LRRC4C: variants seen among roughly 807,000 people sequenced by gnomAD.
LRRC4C encodes the protein leucine rich repeat containing 4C, also known as leucine-rich repeat-containing protein 4C.
In LRRC4C, 5 loss-of-function variants were observed where a neutral mutation model predicts 33.6. The ratio of observed to expected loss-of-function variants is 0.15; its 90% CI spans 0.08 to 0.31. The LOEUF (loss-of-function observed/expected upper bound fraction) is 0.31. LRRC4C is among the 10% of genes least tolerant of loss of function. The pLI is 1.00. For synonymous variants in LRRC4C, 329 were observed against 302.0 expected (o/e 1.09, Z -0.93); for missense variants, 560 against 796.7 (o/e 0.70, Z 3.58).
chr11:41,139,727 G>T (rs1943420911), intron 1 of LRRC4C, among the ~76,000 whole-genome samples: 1 of 151,968 alleles, frequency 6.6e-6, no homozygotes, highest in African/African-American at 2.4e-5. Context: ...TAAAGCAGTT[G>T]GATCCCTTTC....
At chr11:41,415,678 G>T (rs1039418515) in intron 1 of LRRC4C, among the ~76,000 whole-genome samples, 1 of 152,010 alleles carries the variant, frequency 6.6e-6, no homozygotes, top group African/African-American at 2.4e-5. Flanking sequence ...TTTAGATGTT[G>T]GATTTTTATG....
At chr11:40,272,147 A>G (rs1248988591) in intron 4 of LRRC4C, among the ~76,000 whole-genome samples, 1 of 152,162 alleles carries the variant, frequency 6.6e-6, no homozygotes, top group Non-Finnish European at 1.5e-5. Flanking sequence ...TGCATAAGAA[A>G]ACGGAAACTG....
At chr11:40,588,824 G>A (rs981625312) in intron 3 of LRRC4C, among the ~76,000 whole-genome samples, 1 of 152,144 alleles carries the variant, frequency 6.6e-6, no homozygotes, top group African/African-American at 2.4e-5. Flanking sequence ...TAGTTTGATT[G>A]CACTGTGGTC....
intron 1 of LRRC4C, among the ~76,000 whole-genome samples, chr11:41,088,644 G>T (rs866078541): frequency 3.3e-5 from 5 of 152,146 alleles, no homozygotes; most frequent in Admixed American, 2.0e-4. Context: ...GAGGAGAAAA[G>T]CAAAAGTTTA....
intron 1 of LRRC4C, among the ~76,000 whole-genome samples, chr11:41,052,345 C>G (rs953500468): frequency 6.6e-6 from 1 of 152,006 alleles, no homozygotes; most frequent in African/African-American, 2.4e-5. Context: ...AAAAAATAAT[C>G]TTTCCTCAGT....
chr11:40,774,632 T>G (rs1196297199), intron 2 of LRRC4C, among the ~76,000 whole-genome samples: 1 of 152,144 alleles, frequency 6.6e-6, no homozygotes, highest in Non-Finnish European at 1.5e-5. Flanking sequence ...TGAAGAATCA[T>G]CAAAACCATA....
intron 1 of LRRC4C, among the ~76,000 whole-genome samples, chr11:41,143,482 C>T (rs1171552334): frequency 2.0e-5 from 3 of 152,028 alleles, no homozygotes; most frequent in Non-Finnish European, 4.4e-5. Flanking sequence ...TGAATGAATC[C>T]AACCAAAATT....
At chr11:40,689,436 T>C (rs1371119219) in intron 2 of LRRC4C, among the ~76,000 whole-genome samples, 1 of 152,106 alleles carries the variant, frequency 6.6e-6, no homozygotes, top group Non-Finnish European at 1.5e-5. Context: ...AGGGGATATG[T>C]GTGTAAATCA....
chr11:40,639,132 C>G (rs1173984248), intron 3 of LRRC4C, among the ~76,000 whole-genome samples: 1 of 150,984 alleles, frequency 6.6e-6, no homozygotes, highest in Non-Finnish European at 1.5e-5. Flanking sequence ...GATATCTTAC[C>G]CCCAAAAAGT....
At chr11:41,027,844 GT>G (rs1856478885) in intron 1 of LRRC4C, among the ~76,000 whole-genome samples, 1 of 151,640 alleles carries the variant, frequency 6.6e-6, no homozygotes, top group Non-Finnish European at 1.5e-5. Context: ...AGTTCTAATA[GT>G]TTTGAATTAT....
intron 1 of LRRC4C, among the ~76,000 whole-genome samples, chr11:41,294,503 T>C (rs142132402): frequency 6.6e-6 from 1 of 152,334 alleles, no homozygotes; most frequent in African/African-American, 2.4e-5. Context: ...AATCAAATGA[T>C]TTGTCCTAAA....
chr11:40,720,688 T>C (rs1437062951), intron 2 of LRRC4C, among the ~76,000 whole-genome samples: 1 of 152,182 alleles, frequency 6.6e-6, no homozygotes, highest in Non-Finnish European at 1.5e-5. Context: ...TTGTGTAACT[T>C]GATAGAGGTC....
At chr11:40,298,196 C>CA (rs1944605021) in intron 4 of LRRC4C, among the ~76,000 whole-genome samples, 1 of 152,012 alleles carries the variant, frequency 6.6e-6, no homozygotes, top group Non-Finnish European at 1.5e-5. Context: ...AAGATGCCAC[C>CA]AAATAAGATG....
At chr11:40,230,676 C>T (rs537191630) in intron 5 of LRRC4C, among the ~76,000 whole-genome samples, 8 of 152,152 alleles carry the variant, frequency 5.3e-5, no homozygotes, top group East Asian at 1.9e-4. Flanking sequence ...GCCAAAAATC[C>T]GATGGAAATA....
intron 1 of LRRC4C, among the ~76,000 whole-genome samples, chr11:41,286,721 G>C (rs1949840229): frequency 6.6e-6 from 1 of 150,544 alleles, no homozygotes; most frequent in Non-Finnish European, 1.5e-5. Flanking sequence ...TTTTAGAATT[G>C]ACATTTACTC....
intron 3 of LRRC4C, among the ~76,000 whole-genome samples, chr11:40,462,693 A>G (rs1952457938): frequency 6.6e-6 from 1 of 152,130 alleles, no homozygotes; most frequent in African/African-American, 2.4e-5. Flanking sequence ...CTTAAAATAG[A>G]TACTTAAAAA....
intron 1 of LRRC4C, among the ~76,000 whole-genome samples, chr11:41,250,170 A>G (rs1362608495): frequency 6.6e-6 from 1 of 152,212 alleles, no homozygotes; most frequent in Non-Finnish European, 1.5e-5. Context: ...CTTCATCTCA[A>G]AAAACAAAAC....
intron 2 of LRRC4C, among the ~76,000 whole-genome samples, chr11:40,804,487 A>C (rs1384653291): frequency 1.3e-5 from 2 of 152,192 alleles, no homozygotes; most frequent in African/African-American, 4.8e-5. Context: ...AGCATTCCGC[A>C]CGTGTTTAAT....
At chr11:40,357,885 T>C (rs11035800) in intron 3 of LRRC4C, among the ~76,000 whole-genome samples, 45,669 of 151,940 alleles carry the variant, frequency 0.3, 7,186 homozygotes, top group East Asian at 0.5. Flanking sequence ...GTCTTCCTAT[T>C]TTAAAGATTA....
Sources: allele counts gnomAD v4.1 joint callset (sites outside exome capture counted in the v4.1 genomes callset), GRCh38; gene constraint gnomAD v4.1.1; transcripts MANE v1.5; gene names NCBI Gene and HGNC (gene_info 2026-07-23, HGNC 2026-07-21).